Variants in PLEKHG1 observed in about 807,000 individuals in gnomAD.
PLEKHG1 encodes pleckstrin homology domain-containing family G member 1.
Under a neutral mutation model 100.8 loss-of-function variants are expected in PLEKHG1, and 44 were observed. The observed-to-expected ratio is 0.44, with a 90% CI of 0.34 to 0.56. The LOEUF (loss-of-function observed/expected upper bound fraction) is 0.56, where lower values mean the gene tolerates loss of function less well. PLEKHG1 is among the 20% of genes least tolerant of loss of function. The pLI is 0.01. For missense variants in PLEKHG1, 1,545 were observed against 1,720.9 expected, an observed-to-expected ratio of 0.90 and a Z score of 1.81; for synonymous variants, 640 against 662.5, an observed-to-expected ratio of 0.97 and a Z score of 0.52.
intron 2 of PLEKHG1, among the ~76,000 whole-genome samples, chr6:150,639,264 C>T (rs752805311): frequency 6.6e-6 from 1 of 152,102 alleles, no homozygotes; most frequent in Admixed American, 6.5e-5. Context: ...ATTCAAATAA[C>T]CCTTATTAAT....
chr6:150,745,635 A>T (rs375416262), intron 2 of PLEKHG1, among the ~76,000 whole-genome samples: 1 of 151,600 alleles, frequency 6.6e-6, no homozygotes, highest in Non-Finnish European at 1.5e-5. Context: ...GTGAGCCTAG[A>T]TCACGCCGCT....
At chr6:150,809,253 G>A (rs758017288) in exon 8 of PLEKHG1, 4 of 1,614,186 alleles carry the variant, frequency 2.5e-6, no homozygotes, top group South Asian at 2.2e-5. Flanking sequence ...ACGAAGAAGA[G>A]AGATGACACG....
intron 1 of PLEKHG1, among the ~76,000 whole-genome samples, chr6:150,606,863 T>C (rs1172552967): frequency 6.6e-6 from 1 of 152,142 alleles, no homozygotes; most frequent in Non-Finnish European, 1.5e-5. Flanking sequence ...TTCTGGAATC[T>C]GTTCCTTTGG....
intron 3 of PLEKHG1, among the ~76,000 whole-genome samples, chr6:150,775,040 T>G (rs1038437997): frequency 1.3e-5 from 2 of 152,174 alleles, no homozygotes; most frequent in Non-Finnish European, 2.9e-5. Context: ...AATTTTATTT[T>G]TGTGTTCTTT....
In PLEKHG1 at chr6:150,743,620, AAT is replaced by A. The variant is rs374864052; in HGVS notation, c.411+9529_411+9530del. Reference sequence around the variant, plus strand: ...CTGTCTCTACTAAATAACCTCATAAAATGTTTTAAATGCATTCTTTATTTAGG... The same window carrying A: ...CTGTCTCTACTAAATAACCTCATAAAGTTTTAAATGCATTCTTTATTTAGG... On this transcript the variant is annotated intron_variant, in intron 2 of 15. Transcript: ENST00000358517. Among the ~76,000 whole-genome samples the A allele has an allele frequency of 3.5e-3, 538 of 152,220 alleles. 4 individuals carry two copies. The highest frequency in any genetic ancestry group is 0.012 in the African/African-American group (510 of 41,522).
chr6:150,837,853 T>G (rs1031537460), intron 15 of PLEKHG1, among the ~76,000 whole-genome samples: 1 of 152,266 alleles, frequency 6.6e-6, no homozygotes, highest in African/African-American at 2.4e-5. Context: ...TTAAGAGTCT[T>G]TACTGCGCCT....
chr6:150,675,851 AT>A (rs1370842687), intron 3 of PLEKHG1, among the ~76,000 whole-genome samples: 2 of 152,266 alleles, frequency 1.3e-5, no homozygotes, highest in African/African-American at 4.8e-5. Context: ...AGAAGATGAA[AT>A]TAAGTAGCAA....
chr6:150,626,394 T>A (rs1018105213), intron 1 of PLEKHG1, among the ~76,000 whole-genome samples: 1 of 152,206 alleles, frequency 6.6e-6, no homozygotes, highest in Non-Finnish European at 1.5e-5. Flanking sequence ...CTCGCCATGC[T>A]GACCTTGGAC....
exon 16 of PLEKHG1, chr6:150,842,730 T>G (rs562789451): frequency 2.6e-4 from 40 of 151,250 alleles, no homozygotes; most frequent in African/African-American, 9.1e-4. Context: ...TGTTTGTTTG[T>G]TTTTTTCTTG....
rs537133553 is a variant in PLEKHG1 at position 150,786,659 on chromosome 6, G to A, written c.582+200G>A. Among the ~76,000 whole-genome samples, 3 of 152,254 alleles carry A rather than the reference G, an allele frequency of 2.0e-5. 1 individual carries two copies. The South Asian group carries it at 6.2e-4, about 32-fold the overall frequency. ...TAATCTAGTAGTTGTTCTAGAACTTGTACAGTAACTGAATAATGTTACTCT... is the reference window on the plus strand; with the variant it reads ...TAATCTAGTAGTTGTTCTAGAACTTATACAGTAACTGAATAATGTTACTCT... On this transcript the variant is annotated intron_variant, in intron 4 of 15. Transcript: ENST00000358517.
At chr6:150,824,861 G>A (rs989909090) in intron 14 of PLEKHG1, among the ~76,000 whole-genome samples, 1 of 152,122 alleles carries the variant, frequency 6.6e-6, no homozygotes, top group Admixed American at 6.6e-5. Context: ...TGATTGTCAT[G>A]GCTGAGGTGT....
intron 14 of PLEKHG1, 52 bp downstream of exon 15, chr6:150,823,728 A>G: frequency 2.2e-6 from 3 of 1,367,722 alleles, no homozygotes; most frequent in Non-Finnish European, 3.1e-6. Context: ...GGCACCTTTC[A>G]TAGGTGTCCC....
chr6:150,804,176 T>TATATATATATATATATATATATATATA (rs55868220), intron 6 of PLEKHG1, among the ~76,000 whole-genome samples: 20 of 24,772 alleles, frequency 8.1e-4, no homozygotes, highest in East Asian at 3.8e-3. Flanking sequence ...TATATATATA[T>TATATATATATATATATATATATATATA]TTTTTTTTTT....
rs1257363893 is a variant in PLEKHG1, at chr6:150,779,344, G to GTTTGTTTTTTTTTTTTTTTT, written c.513-7043_513-7042insGTTTTTTTTTTTTTTTTTTT. 2.5e-4 allele frequency among the ~76,000 whole-genome samples: 26 copies of GTTTGTTTTTTTTTTTTTTTT among 104,530 alleles called. 1 individual carries two copies. Among genetic ancestry groups the GTTTGTTTTTTTTTTTTTTTT allele is most frequent in the African/African-American group, 4.3e-4 (10 of 23,226 alleles). 68.6% of individuals were successfully genotyped at this position (104,530 alleles called of 152,430 possible). On this transcript the variant is annotated intron_variant, in intron 3 of 15. Coordinates refer to ENST00000358517, the Ensembl canonical transcript of PLEKHG1. ...ACAGGGGGTTAAATATTGTCAAGAA[G>GTTTGTTTTTTTTTTTTTTTT]TTTTTTTTTTTTTTTTTTTGAGACA...
chr6:150,700,692 G>T (rs1780736332), intron 3 of PLEKHG1, among the ~76,000 whole-genome samples: 1 of 152,152 alleles, frequency 6.6e-6, no homozygotes, highest in South Asian at 2.1e-4. Flanking sequence ...TTCAAATTCG[G>T]GGGCCTCTAC....
chr6:150,631,633 A>G (rs6557548), intron 1 of PLEKHG1, among the ~76,000 whole-genome samples: 1 of 152,188 alleles, frequency 6.6e-6, no homozygotes, highest in Non-Finnish European at 1.5e-5. Flanking sequence ...TAGGAAAATA[A>G]AAGTTCTAAC....
intron 2 of PLEKHG1, among the ~76,000 whole-genome samples, chr6:150,642,779 G>C (rs1481386222): frequency 6.6e-6 from 1 of 152,152 alleles, no homozygotes; most frequent in Admixed American, 6.5e-5. Flanking sequence ...ATTGATAACT[G>C]TATTACAGCA....
intron 7 of PLEKHG1, among the ~76,000 whole-genome samples, chr6:150,806,807 G>A (rs1787135962): frequency 7.0e-6 from 1 of 142,582 alleles, no homozygotes; most frequent in Non-Finnish European, 1.5e-5. Context: ...TCTAGCCTGG[G>A]AGACAGAGCA....
intron 10 of PLEKHG1, among the ~76,000 whole-genome samples, chr6:150,813,304 CAAAAAAA>C (rs36106888): frequency 8.2e-6 from 1 of 122,402 alleles, no homozygotes; most frequent in Non-Finnish European, 1.7e-5. Flanking sequence ...GACTCTGTCT[CAAAAAAA>C]AAAAAAAACA....
Sources: gnomAD v4.1 joint callset for allele counts (sites outside exome capture counted in the v4.1 genomes callset) on GRCh38, gnomAD v4.1.1 for gene constraint, MANE v1.5 for transcripts, NCBI Gene and HGNC (gene_info 2026-07-23, HGNC 2026-07-21) for gene names.